The following ARHGEF38 variants were observed in gnomAD, a reference collection of about 807,000 sequenced individuals.
ARHGEF38 encodes Rho guanine nucleotide exchange factor (GEF) 38.
ARHGEF38 carries 79 observed loss-of-function variants against 79.9 expected under a neutral mutation model. That is an observed-to-expected ratio of 0.99 (90% CI 0.82 to 1.19). ARHGEF38 has a LOEUF of 1.19. ARHGEF38 is among the 50% of genes most tolerant of loss of function. The pLI is 0.00. For missense variants in ARHGEF38, 962 were observed against 907.2 expected (o/e 1.06, Z -0.78); for synonymous variants, 366 against 328.3 (o/e 1.11, Z -1.24).
Position 105,571,115 on chromosome 4 carries a change from AT to A in ARHGEF38, c.197-18132del, listed in dbSNP as rs537768680. Among the ~76,000 whole-genome samples the A allele has an allele frequency of 2.0e-3, 300 of 152,320 alleles. 1 individual carries two copies. Among genetic ancestry groups the A allele is most frequent in the African/African-American group, 6.6e-3 (276 of 41,566 alleles). ...GTTTGGTGGTAATGGTTGTCCAACA[AT>A]GTGAATGCATTTAATGCCGCTGAAC... On this transcript the variant is annotated intron_variant, in intron 1 of 13. Coordinates refer to ENST00000420470, the MANE Select transcript of ARHGEF38 (RefSeq NM_001242729.2).
intron 8 of ARHGEF38, among the ~76,000 whole-genome samples, chr4:105,654,611 C>A (rs1363645676): frequency 3.3e-5 from 5 of 152,130 alleles, no homozygotes; most frequent in Admixed American, 6.5e-5. Flanking sequence ...TATGGAAATG[C>A]TCCCATGAGA....
At chr4:105,607,370 C>A (rs1243823194) in intron 2 of ARHGEF38, among the ~76,000 whole-genome samples, 1 of 152,052 alleles carries the variant, frequency 6.6e-6, no homozygotes, top group African/African-American at 2.4e-5. Context: ...GAATTGATTA[C>A]AAAGAATATT....
rs561060887 is a variant in ARHGEF38 at position 105,575,884 on chromosome 4, A to G, written c.197-13364A>G. Reference sequence around the variant, plus strand: ...CTACATGTGGATATCTAGTTTTCCCAGCACCATTTATTAAATAGAGTTTCC... The same window carrying G: ...CTACATGTGGATATCTAGTTTTCCCGGCACCATTTATTAAATAGAGTTTCC... On this transcript the variant is annotated intron_variant, in intron 1 of 13. Coordinates refer to ENST00000420470, the MANE Select transcript of ARHGEF38 (RefSeq NM_001242729.2). Among the ~76,000 whole-genome samples the G allele has an allele frequency of 3.3e-5, 5 of 152,262 alleles. No individual in the cohort carries two copies. The East Asian group carries it at 9.6e-4, about 29-fold the overall frequency.
intron 13 of ARHGEF38, among the ~76,000 whole-genome samples, chr4:105,671,543 C>T: frequency 6.6e-6 from 1 of 152,146 alleles, no homozygotes. Context: ...ATCCTTGCCC[C>T]AGGGCCGATG....
chr4:105,575,847 A>G (rs1192177911), intron 1 of ARHGEF38, among the ~76,000 whole-genome samples: 1 of 152,184 alleles, frequency 6.6e-6, no homozygotes, highest in African/African-American at 2.4e-5. Flanking sequence ...ATAGGGATCC[A>G]GTTTCATTCT....
chr4:105,660,726 C>T (rs1730530277), intron 10 of ARHGEF38, among the ~76,000 whole-genome samples: 1 of 152,176 alleles, frequency 6.6e-6, no homozygotes, highest in Non-Finnish European at 1.5e-5. Context: ...AGGCATGAGC[C>T]ACTGCGCCCA....
At chr4:105,631,116 A>G in intron 4 of ARHGEF38, 71 bp downstream of exon 4, 1 of 1,508,894 alleles carries the variant, frequency 6.6e-7, no homozygotes, top group African/African-American at 1.4e-5. Context: ...AAATGGATGT[A>G]GATGAAAGGT....
intron 1 of ARHGEF38, among the ~76,000 whole-genome samples, chr4:105,568,536 G>C (rs1560690237): frequency 2.6e-5 from 4 of 152,104 alleles, no homozygotes; most frequent in African/African-American, 9.7e-5. Flanking sequence ...AAGATATAAA[G>C]TTTTTTAACT....
intron 1 of ARHGEF38, among the ~76,000 whole-genome samples, chr4:105,554,208 A>G (rs1205389612): frequency 2.0e-5 from 3 of 152,122 alleles, no homozygotes; most frequent in African/African-American, 7.2e-5. Flanking sequence ...TTAAAATTTC[A>G]ACTTTTATTT....
At chr4:105,636,562 C>T (rs1054301349) in intron 5 of ARHGEF38, 142 bp downstream of exon 5, 3 of 177,128 alleles carry the variant, frequency 1.7e-5, no homozygotes, top group African/African-American at 4.7e-5. Flanking sequence ...AGGCATTTAC[C>T]CCATTACTGG....
At chr4:105,617,520 G>T (rs894386624) in intron 3 of ARHGEF38, among the ~76,000 whole-genome samples, 2 of 152,084 alleles carry the variant, frequency 1.3e-5, no homozygotes, top group Admixed American at 6.5e-5. Flanking sequence ...TTTCCTGCTG[G>T]TCATTAATCA....
Position 105,589,354 on chromosome 4 carries a change from G to A in ARHGEF38, c.303G>A (p.Glu101=), listed in dbSNP as rs747759960. 2.5e-6 allele frequency: 4 copies of A among 1,614,112 alleles called. No individual in the cohort carries two copies. The South Asian group carries it at 4.4e-5, about 18-fold the overall frequency. The change falls in exon 2 of 14, where the codon GAG becomes GAA. Residue 101 remains glutamate, a synonymous_variant. Transcript: ENST00000420470. ...MMAKREKIIK[E]LIQTEKDYLN... The stretch of plus-strand genomic sequence containing the variant: ...CAAAGCGGGAAAAGATCATTAAGGA[G>A]CTGATACAGACAGAAAAGGATTATC...
chr4:105,640,837 T>C (rs1729588689), intron 5 of ARHGEF38, among the ~76,000 whole-genome samples: 1 of 152,194 alleles, frequency 6.6e-6, no homozygotes, highest in South Asian at 2.1e-4. Flanking sequence ...CTATTAGAAA[T>C]CTGAAACATT....
intron 6 of ARHGEF38, among the ~76,000 whole-genome samples, chr4:105,647,112 T>C (rs1729875897): frequency 6.6e-6 from 1 of 152,204 alleles, no homozygotes; most frequent in Non-Finnish European, 1.5e-5. Context: ...AGGTTTTAGA[T>C]AATGGCTGTT....
At chr4:105,579,577 A>G (rs1726676488) in intron 1 of ARHGEF38, among the ~76,000 whole-genome samples, 1 of 152,182 alleles carries the variant, frequency 6.6e-6, no homozygotes, top group South Asian at 2.1e-4. Context: ...CCCAGGGATG[A>G]AGCCTACTTG....
Position 105,666,338 on chromosome 4 carries a change from C to T in ARHGEF38, c.1689+18C>T. On this transcript the variant is annotated intron_variant, in intron 11 of 13. Coordinates refer to ENST00000420470, the MANE Select transcript of ARHGEF38 (RefSeq NM_001242729.2). Reference sequence around the variant, plus strand: ...AGATTCTGGTGAGTTTGGCAGCATTCATGACAATGATAACTTTCACCTCTT... The same window carrying T: ...AGATTCTGGTGAGTTTGGCAGCATTTATGACAATGATAACTTTCACCTCTT... The T allele has an allele frequency of 6.6e-7, 1 of 1,505,036 alleles. No homozygotes were observed. The highest frequency in any genetic ancestry group is 1.3e-5 in the South Asian group (1 of 77,418). 93.2% of individuals were successfully genotyped at this position (1,505,036 alleles called of 1,614,324 possible).
rs139128201 is a variant in ARHGEF38 at position 105,651,348 on chromosome 4, C to G, written c.1008+2666C>G. ...CAATCAATTTTGCACTTGTCAGCAGCTCAGGTGAAATATTGGTAGAGTTAG... is the reference window on the plus strand; with the variant it reads ...CAATCAATTTTGCACTTGTCAGCAGGTCAGGTGAAATATTGGTAGAGTTAG... On this transcript the variant is annotated intron_variant, in intron 7 of 13. Transcript: ENST00000420470. 5.1e-3 allele frequency among the ~76,000 whole-genome samples: 782 copies of G among 152,268 alleles called. 7 individuals carry two copies. Among genetic ancestry groups the G allele is most frequent in the African/African-American group, 0.018 (747 of 41,560 alleles).
chr4:105,669,411 G>C (rs1300761036), intron 13 of ARHGEF38, among the ~76,000 whole-genome samples: 1 of 152,096 alleles, frequency 6.6e-6, no homozygotes, highest in Non-Finnish European at 1.5e-5. Context: ...TTGTGCATTT[G>C]TATGAGTATA....
chr4:105,558,839 T>G (rs1219262554), intron 1 of ARHGEF38, among the ~76,000 whole-genome samples: 1 of 151,160 alleles, frequency 6.6e-6, no homozygotes, highest in African/African-American at 2.4e-5. Flanking sequence ...TTTATAAAAA[T>G]TATGGGTTTA....
Sources: allele counts gnomAD v4.1 joint callset (sites outside exome capture counted in the v4.1 genomes callset), GRCh38; gene constraint gnomAD v4.1.1; transcripts MANE v1.5; gene names NCBI Gene and HGNC (gene_info 2026-07-23, HGNC 2026-07-21).